Variants in CCSER1 observed in about 807,000 individuals in gnomAD.
The protein encoded by CCSER1 is serine-rich coiled-coil domain-containing protein 1.
A neutral mutation model predicts 82.0 loss-of-function variants in CCSER1; 41 were observed. The observed-to-expected ratio is 0.50, with a 90% CI of 0.39 to 0.65. The LOEUF is 0.65. Ranked by LOEUF, CCSER1 falls within the 30% of genes least tolerant of loss-of-function variation. The pLI is 0.00. For synonymous variants in CCSER1, 414 were observed against 383.9 expected (o/e 1.08, Z -0.92); for missense variants, 1,119 against 1,064.2 (o/e 1.05, Z -0.72).
chr4:90,594,391 G>A (rs532519712), intron 5 of CCSER1, among the ~76,000 whole-genome samples: 1 of 152,088 alleles, frequency 6.6e-6, no homozygotes, highest in African/African-American at 2.4e-5. Flanking sequence ...CCCATGATAT[G>A]TATATAAATA....
intron 9 of CCSER1, among the ~76,000 whole-genome samples, chr4:91,050,615 G>T: frequency 6.6e-6 from 1 of 152,094 alleles, no homozygotes. Context: ...ACCCTGCTTA[G>T]CAAAGTCACT....
intron 10 of CCSER1, among the ~76,000 whole-genome samples, chr4:91,156,618 T>A (rs1269456516): frequency 6.6e-6 from 1 of 151,800 alleles, no homozygotes; most frequent in Non-Finnish European, 1.5e-5. Context: ...TCAAAAATTT[T>A]GAGCAATGAT....
intron 7 of CCSER1, among the ~76,000 whole-genome samples, chr4:90,775,190 A>C (rs889082128): frequency 1.3e-5 from 2 of 152,170 alleles, no homozygotes; most frequent in African/African-American, 4.8e-5. Flanking sequence ...TATAAGAATC[A>C]TGAATTGAGT....
chr4:91,054,216 A>G (rs1013947674), intron 9 of CCSER1, among the ~76,000 whole-genome samples: 2 of 152,160 alleles, frequency 1.3e-5, no homozygotes, highest in African/African-American at 2.4e-5. Context: ...ACAGCTTCAC[A>G]TAACGTGGGT....
At chr4:91,376,039 T>C (rs1307459531) in intron 10 of CCSER1, among the ~76,000 whole-genome samples, 2 of 152,126 alleles carry the variant, frequency 1.3e-5, no homozygotes, top group African/African-American at 2.4e-5. Context: ...ACTTTCTAGA[T>C]AAACTTAACT....
At chr4:91,175,151 C>T (rs1469613128) in intron 10 of CCSER1, among the ~76,000 whole-genome samples, 1 of 152,110 alleles carries the variant, frequency 6.6e-6, no homozygotes, top group Non-Finnish European at 1.5e-5. Flanking sequence ...AGGACATGAA[C>T]TCATCCTTTT....
chr4:91,472,265 A>C (rs1757322136), intron 10 of CCSER1, among the ~76,000 whole-genome samples: 1 of 152,196 alleles, frequency 6.6e-6, no homozygotes, highest in African/African-American at 2.4e-5. Flanking sequence ...GTGCTGCAAT[A>C]TGACAAGCTT....
chr4:90,959,259 G>A (rs766582220), intron 9 of CCSER1, among the ~76,000 whole-genome samples: 14 of 152,132 alleles, frequency 9.2e-5, no homozygotes, highest in Non-Finnish European at 1.8e-4. Context: ...AGTATTCTTT[G>A]CCTATTTCCA....
chr4:90,273,926 A>G (rs1413426435), intron 1 of CCSER1, among the ~76,000 whole-genome samples: 2 of 152,220 alleles, frequency 1.3e-5, no homozygotes, highest in Non-Finnish European at 2.9e-5. Context: ...TAATTATTCA[A>G]GATATTTGCA....
intron 10 of CCSER1, among the ~76,000 whole-genome samples, chr4:91,336,732 CTT>C (rs1289535072): frequency 6.6e-6 from 1 of 151,954 alleles, no homozygotes; most frequent in African/African-American, 2.4e-5. Context: ...TAAGAACTCT[CTT>C]TAATTATATT....
At chr4:91,119,110 T>G (rs1018718091) in intron 10 of CCSER1, among the ~76,000 whole-genome samples, 1 of 152,194 alleles carries the variant, frequency 6.6e-6, no homozygotes, top group Non-Finnish European at 1.5e-5. Context: ...TGGTAAATCA[T>G]TCCCATAATA....
intron 5 of CCSER1, among the ~76,000 whole-genome samples, chr4:90,483,532 A>T (rs539949769): frequency 4.6e-4 from 70 of 152,228 alleles, no homozygotes; most frequent in African/African-American, 1.5e-3. Flanking sequence ...TTCCATGTTT[A>T]GTGCTTCCTT....
intron 8 of CCSER1, among the ~76,000 whole-genome samples, chr4:90,845,375 A>G (rs1763102646): frequency 6.6e-6 from 1 of 151,858 alleles, no homozygotes; most frequent in Admixed American, 6.6e-5. Context: ...AAAAAAAAAA[A>G]AAAAAGAATA....
intron 10 of CCSER1, among the ~76,000 whole-genome samples, chr4:91,502,727 C>CT (rs1343672662): frequency 6.6e-6 from 1 of 152,050 alleles, no homozygotes; most frequent in Non-Finnish European, 1.5e-5. Flanking sequence ...TTTTATTTTT[C>CT]TTTTTTGTTT....
intron 10 of CCSER1, among the ~76,000 whole-genome samples, chr4:91,109,341 C>T (rs1725899368): frequency 6.6e-6 from 1 of 152,042 alleles, no homozygotes. Context: ...ACCTACCTAC[C>T]TTTCTACCTA....
chr4:90,228,776 A>G (rs957213458), intron 1 of CCSER1, among the ~76,000 whole-genome samples: 4 of 152,236 alleles, frequency 2.6e-5, no homozygotes, highest in Non-Finnish European at 1.5e-5. Flanking sequence ...AAGTGCTTAA[A>G]GGAGCTGATG....
chr4:90,654,582 C>T (rs2149063482), intron 6 of CCSER1, among the ~76,000 whole-genome samples: 1 of 152,160 alleles, frequency 6.6e-6, no homozygotes, highest in East Asian at 1.9e-4. Flanking sequence ...AAAATCTGCT[C>T]ATATCTTCTC....
intron 1 of CCSER1, among the ~76,000 whole-genome samples, chr4:90,231,781 A>G (rs994077370): frequency 5.9e-5 from 9 of 152,126 alleles, no homozygotes; most frequent in African/African-American, 1.7e-4. Context: ...AAGTCTCAGG[A>G]TACAAAATCA....
At chr4:91,185,732 T>A (rs1734473334) in intron 10 of CCSER1, among the ~76,000 whole-genome samples, 1 of 152,224 alleles carries the variant, frequency 6.6e-6, no homozygotes. Context: ...GATCAGCAGT[T>A]TTCTTTTTTC....
Sources: allele counts gnomAD v4.1 joint callset (sites outside exome capture counted in the v4.1 genomes callset), GRCh38; gene constraint gnomAD v4.1.1; transcripts MANE v1.5; gene names NCBI Gene and HGNC (gene_info 2026-07-23, HGNC 2026-07-21).